The following DGAT2 variants were observed in gnomAD, a reference collection of about 807,000 sequenced individuals.
The protein encoded by DGAT2 is diacylglycerol O-acyltransferase 2.
Under a neutral mutation model 48.4 loss-of-function variants are expected in DGAT2, and 33 were observed. The observed-to-expected ratio is 0.68, with a 90% CI of 0.52 to 0.91. The LOEUF (loss-of-function observed/expected upper bound fraction) is 0.91. Ranked by LOEUF, DGAT2 falls within the 40% of genes least tolerant of loss-of-function variation. The pLI is 0.00. For synonymous variants in DGAT2, 191 were observed against 194.1 expected (o/e 0.98, Z 0.13); for missense variants, 446 against 493.7 (o/e 0.90, Z 0.92).
chr11:75,775,936 C>T (rs1413215594), intron 1 of DGAT2: 1 of 152,300 alleles, frequency 6.6e-6, no homozygotes, highest in Non-Finnish European at 1.5e-5. Context: ...CAGAACTCAG[C>T]CTCTAGCAGA....
intron 1 of DGAT2, among the ~76,000 whole-genome samples, chr11:75,773,545 G>A (rs1208082032): frequency 2.0e-5 from 3 of 152,210 alleles, no homozygotes; most frequent in Non-Finnish European, 4.4e-5. Context: ...GAGTGTTTGT[G>A]AACTTGTGAC....
At chr11:75,783,884 A>G (rs1944894178) in intron 1 of DGAT2, among the ~76,000 whole-genome samples, 1 of 152,118 alleles carries the variant, frequency 6.6e-6, no homozygotes, top group Non-Finnish European at 1.5e-5. Flanking sequence ...TTGATAGTGA[A>G]CATAATTACA....
At chr11:75,781,181 C>T (rs992662797) in intron 1 of DGAT2, among the ~76,000 whole-genome samples, 6 of 152,260 alleles carry the variant, frequency 3.9e-5, no homozygotes, top group Admixed American at 3.3e-4. Flanking sequence ...AAGATAGCCC[C>T]TGGCAATTCC....
chr11:75,775,757 A>G (rs903890649), intron 1 of DGAT2: 2 of 152,246 alleles, frequency 1.3e-5, no homozygotes, highest in Admixed American at 6.5e-5. Context: ...GGGCCTTTGC[A>G]ATGCCTTCTG....
chr11:75,793,246 GAC>G (rs1945010955), intron 4 of DGAT2: 1 of 152,206 alleles, frequency 6.6e-6, no homozygotes, highest in South Asian at 2.1e-4. Flanking sequence ...TTCCAGAACG[GAC>G]ATTCTCTCCA....
In DGAT2 at chr11:75,768,999, C is replaced by A. The variant is rs750555276; in HGVS notation, c.8C>A (p.Thr3Asn). The A allele has an allele frequency of 1.3e-6, 2 of 1,557,752 alleles. No individual in the cohort carries two copies. Among genetic ancestry groups the A allele is most frequent in the Non-Finnish European group, 1.7e-6 (2 of 1,154,408 alleles). MK[T>N]LIAAYSGVLR... Reference sequence around the variant, plus strand: ...ACTGGGCGGGCTTCAGCCATGAAGACCCTCATAGCCGCCTACTCCGGGGTC... The same window carrying A: ...ACTGGGCGGGCTTCAGCCATGAAGAACCTCATAGCCGCCTACTCCGGGGTC... The change falls in exon 1 of 8, where the codon ACC becomes AAC. Residue 3 changes from threonine to asparagine, a missense_variant. Transcript: ENST00000228027.
intron 1 of DGAT2, among the ~76,000 whole-genome samples, chr11:75,777,644 C>G (rs1944815095): frequency 6.6e-6 from 1 of 152,166 alleles, no homozygotes; most frequent in Non-Finnish European, 1.5e-5. Flanking sequence ...GCCAGGTTCT[C>G]CTGACTCTCG....
intron 1 of DGAT2, chr11:75,776,780 A>T (rs1398523415): frequency 1.3e-5 from 2 of 151,748 alleles, no homozygotes; most frequent in Admixed American, 1.3e-4. Context: ...ATGTGTGTGG[A>T]CTCCCGCTGA....
At chr11:75,778,733 C>T (rs1369269655) in intron 1 of DGAT2, among the ~76,000 whole-genome samples, 2 of 148,928 alleles carry the variant, frequency 1.3e-5, no homozygotes, top group South Asian at 2.1e-4. Context: ...ACTCGGGAGG[C>T]TGAGGCAGGA....
intron 2 of DGAT2, among the ~76,000 whole-genome samples, chr11:75,788,991 G>A (rs1944954188): frequency 6.6e-6 from 1 of 152,164 alleles, no homozygotes; most frequent in African/African-American, 2.4e-5. Context: ...CCTGCTGAGG[G>A]CAGCTAGTGG....
chr11:75,794,877 A>G (rs550473893), intron 4 of DGAT2: 91 of 151,582 alleles, frequency 6.0e-4, no homozygotes, highest in African/African-American at 2.2e-3. Context: ...TTGCTTTCCT[A>G]TATTTTTAAA....
chr11:75,769,014 A>G lies in DGAT2; in HGVS notation c.23A>G (p.Tyr8Cys). Residue 8 changes from tyrosine to cysteine, a missense_variant, in exon 1 of 8, where the codon TAC (tyrosine) becomes TGC (cysteine). Tyr to Cys is a radical substitution (Grantham distance 194). Coordinates refer to ENST00000228027, the MANE Select transcript of DGAT2 (RefSeq NM_032564.5). Reference protein sequence around the residue: MKTLIAAYSGVLRGERQA... With the variant: MKTLIAACSGVLRGERQA... Reference sequence around the variant, plus strand: ...GCCATGAAGACCCTCATAGCCGCCTACTCCGGGGTCCTGCGCGGCGAGCGT... The same window carrying G: ...GCCATGAAGACCCTCATAGCCGCCTGCTCCGGGGTCCTGCGCGGCGAGCGT... 6.4e-7 allele frequency: 1 copy of G among 1,572,464 alleles called. No homozygotes were observed. The highest frequency in any genetic ancestry group is 1.8e-5 in the Admixed American group (1 of 55,136).
Position 75,797,345 on chromosome 11 carries a change from C to T in DGAT2, c.809+13C>T. The stretch of plus-strand genomic sequence containing the variant: ...CCCTGCGTCATGGGTGAGTGCCTCC[C>T]TACACACACACACACCCCTCCAGTG... On this transcript the variant is annotated intron_variant, in intron 6 of 7. Coordinates refer to ENST00000228027, the MANE Select transcript of DGAT2 (RefSeq NM_032564.5). 16 of 1,465,396 alleles carry T rather than the reference C, an allele frequency of 1.1e-5. No homozygotes were observed. Among genetic ancestry groups the T allele is most frequent in the South Asian group, 1.4e-5 (1 of 69,484 alleles). 90.8% of individuals were successfully genotyped at this position (1,465,396 alleles called of 1,614,324 possible).
chr11:75,789,470 G>A (rs1197897066), intron 2 of DGAT2, among the ~76,000 whole-genome samples: 3 of 152,174 alleles, frequency 2.0e-5, no homozygotes, highest in African/African-American at 2.4e-5. Context: ...TTGAAGACAG[G>A]GAGGCTGATG....
At chr11:75,790,357 G>A in intron 3 of DGAT2, 62 bp downstream of exon 3, 3 of 1,364,858 alleles carry the variant, frequency 2.2e-6, no homozygotes, top group Admixed American at 1.7e-5. Flanking sequence ...CCCTGCACAA[G>A]CTGAAGGGCC....
intron 1 of DGAT2, among the ~76,000 whole-genome samples, chr11:75,782,659 G>A (rs1045159008): frequency 5.9e-5 from 9 of 152,204 alleles, no homozygotes; most frequent in African/African-American, 2.2e-4. Flanking sequence ...AAGGTGAAAG[G>A]TTATGAGACC....
At chr11:75,789,368 C>G (rs193051496) in intron 2 of DGAT2, among the ~76,000 whole-genome samples, 7 of 152,218 alleles carry the variant, frequency 4.6e-5, no homozygotes, top group Admixed American at 2.6e-4. Context: ...CCAGGCTGGT[C>G]TTGAATTTCT....
At position 75,801,523 on chromosome 11, in the gene DGAT2, G is replaced by A. The variant is rs1565322046; in HGVS notation, c.*1015G>A. On this transcript the variant is annotated 3_prime_UTR_variant, in exon 8 of 8. Coordinates refer to ENST00000228027, the MANE Select transcript of DGAT2 (RefSeq NM_032564.5). ...GTATATGCCTTGAAAATAAATGAAA[G>A]TGAGAATCCTCTATGAGTTATTGCT... 2 of 152,630 alleles carry A rather than the reference G, an allele frequency of 1.3e-5. No individual in the cohort carries two copies. The highest frequency in any genetic ancestry group is 2.4e-5 in the African/African-American group (1 of 41,450). The allele number at this position is 152,630 out of a possible 1,614,324, so 9.5% of individuals were successfully genotyped here. A position where few individuals can be genotyped will look rare whatever the true frequency, so the allele number is the denominator to read the frequency against.
intron 1 of DGAT2, among the ~76,000 whole-genome samples, chr11:75,783,902 G>A (rs1315630006): frequency 1.3e-5 from 2 of 152,190 alleles, no homozygotes; most frequent in African/African-American, 4.8e-5. Flanking sequence ...ACAGCCCTCA[G>A]TGTCCTTCAG....
Sources: allele counts gnomAD v4.1 joint callset (sites outside exome capture counted in the v4.1 genomes callset), GRCh38; gene constraint gnomAD v4.1.1; transcripts MANE v1.5; gene names NCBI Gene and HGNC (gene_info 2026-07-23, HGNC 2026-07-21).